Variants in OR3A2 observed in about 807,000 individuals in gnomAD.
OR3A2 encodes olfactory receptor family 3 subfamily A member 2.
For synonymous variants in OR3A2, 126 were observed against 159.3 expected (o/e 0.79, Z 1.57); for missense variants, 318 against 392.8 (o/e 0.81, Z 1.61).
At chr17:3,383,828 C>G (rs1237025396) in exon 2 of OR3A2, 1 of 152,068 alleles carries the variant, frequency 6.6e-6, no homozygotes, top group East Asian at 1.9e-4. Context: ...AGCAGTTTGC[C>G]TTGGAGTTTG....
chr17:3,283,535 A>G (rs1035560426), intron 1 of OR3A2, among the ~76,000 whole-genome samples: 1 of 152,130 alleles, frequency 6.6e-6, no homozygotes, highest in Admixed American at 6.5e-5. Context: ...GGTATCCAAT[A>G]TTTCTTAAAT....
intron 2 of OR3A2, among the ~76,000 whole-genome samples, chr17:3,364,477 A>C (rs2049546328): frequency 6.6e-6 from 1 of 152,180 alleles, no homozygotes; most frequent in Non-Finnish European, 1.5e-5. Context: ...CCTTTTGACC[A>C]ATGCCCCCCA....
At chr17:3,279,470 A>G (rs577860968) in intron 1 of OR3A2, among the ~76,000 whole-genome samples, 2 of 152,240 alleles carry the variant, frequency 1.3e-5, no homozygotes, top group African/African-American at 2.4e-5. Flanking sequence ...GTTTCAAAAT[A>G]GAAATCCAGA....
At chr17:3,296,799 G>C (rs1438446696) in intron 3 of OR3A2, among the ~76,000 whole-genome samples, 1 of 152,170 alleles carries the variant, frequency 6.6e-6, no homozygotes, top group East Asian at 1.9e-4. Context: ...TTCAAAAAGG[G>C]ACTCCATTCC....
intron 3 of OR3A2, among the ~76,000 whole-genome samples, chr17:3,306,466 T>A (rs2049001044): frequency 6.6e-6 from 1 of 152,040 alleles, no homozygotes; most frequent in African/African-American, 2.4e-5. Context: ...TGAGGTTACT[T>A]CCTCATCCAG....
chr17:3,276,337 T>C (rs544644552), downstream of OR3A2, among the ~76,000 whole-genome samples: 1 of 152,290 alleles, frequency 6.6e-6, no homozygotes, highest in Admixed American at 6.5e-5. Flanking sequence ...CAGAACAGTA[T>C]GGTTCTACTG....
At chr17:3,346,364 C>G (rs1265278207) in intron 2 of OR3A2, among the ~76,000 whole-genome samples, 2 of 152,104 alleles carry the variant, frequency 1.3e-5, no homozygotes, top group Non-Finnish European at 2.9e-5. Flanking sequence ...GCATCTGACC[C>G]AAGTTGATCC....
chr17:3,364,713 C>T (rs553516008), intron 2 of OR3A2, among the ~76,000 whole-genome samples: 4 of 152,284 alleles, frequency 2.6e-5, no homozygotes, highest in Admixed American at 2.0e-4. Flanking sequence ...ACCAGAATTA[C>T]CATATGATCC....
chr17:3,325,203 ATTTTT>A (rs61124691), intron 3 of OR3A2, among the ~76,000 whole-genome samples: 25 of 108,590 alleles, frequency 2.3e-4, no homozygotes, highest in Admixed American at 9.7e-4. Context: ...GATCCTTCCA[ATTTTT>A]TTTTTTTTTT....
At chr17:3,287,825 T>A (rs1002082634), upstream of OR3A2, among the ~76,000 whole-genome samples, 25 of 151,636 alleles carry the variant, frequency 1.6e-4, no homozygotes, top group Non-Finnish European at 3.1e-4. Flanking sequence ...TTTTCTATTA[T>A]ATATATATAA....
In OR3A2 at chr17:3,366,380, G is replaced by T. The variant is rs185962747; in HGVS notation, c.-179+17424C>A. Reference sequence around the variant, plus strand: ...TTGATGCAAAAATGTTGGGGAAACAGAAAATCTTTAGTTGCAATTTTAAAA... The same window carrying T: ...TTGATGCAAAAATGTTGGGGAAACATAAAATCTTTAGTTGCAATTTTAAAA... On this transcript the variant is annotated intron_variant, in intron 2 of 4. Coordinates refer to the OR3A2 transcript ENST00000573491. Among the ~76,000 whole-genome samples the T allele has an allele frequency of 4.3e-4, 66 of 152,270 alleles. 2 individuals carry two copies. The highest frequency in any genetic ancestry group is 3.9e-3 in the Admixed American group (60 of 15,292).
chr17:3,375,052 T>C (rs997890480), intron 2 of OR3A2, among the ~76,000 whole-genome samples: 2 of 151,586 alleles, frequency 1.3e-5, no homozygotes, highest in African/African-American at 2.4e-5. Flanking sequence ...TTTCCTTAAG[T>C]TGGTGTTCAT....
intron 2 of OR3A2, among the ~76,000 whole-genome samples, chr17:3,373,895 T>C (rs2049655901): frequency 6.6e-6 from 1 of 152,222 alleles, no homozygotes; most frequent in Non-Finnish European, 1.5e-5. Flanking sequence ...TTATAGGCCC[T>C]GTGAAATTTA....
At chr17:3,299,662 C>T (rs948733254) in intron 3 of OR3A2, among the ~76,000 whole-genome samples, 1 of 152,152 alleles carries the variant, frequency 6.6e-6, no homozygotes, top group Non-Finnish European at 1.5e-5. Context: ...TCCTTTGCTG[C>T]AAAACCTCCA....
intron 2 of OR3A2, among the ~76,000 whole-genome samples, chr17:3,376,318 G>A (rs2049683486): frequency 1.3e-5 from 2 of 152,166 alleles, no homozygotes; most frequent in Non-Finnish European, 2.9e-5. Flanking sequence ...ATAAATAATG[G>A]GGTTTCTCAG....
chr17:3,347,810 G>T (rs2049380838), intron 2 of OR3A2, among the ~76,000 whole-genome samples: 1 of 152,178 alleles, frequency 6.6e-6, no homozygotes, highest in African/African-American at 2.4e-5. Context: ...GATCCCTGAG[G>T]AATCGTCACA....
intron 2 of OR3A2, among the ~76,000 whole-genome samples, chr17:3,346,283 T>C (rs1263820808): frequency 2.0e-5 from 3 of 152,164 alleles, no homozygotes; most frequent in Non-Finnish European, 2.9e-5. Flanking sequence ...GGTGTACATA[T>C]TTATAAGTAC....
intron 2 of OR3A2, among the ~76,000 whole-genome samples, chr17:3,372,643 G>A (rs866226129): frequency 3.4e-3 from 519 of 152,162 alleles, no homozygotes; most frequent in Non-Finnish European, 5.6e-3. Context: ...CCATCACAGC[G>A]AAACCCCGTC....
chr17:3,333,964 C>A (rs1334467449), intron 3 of OR3A2, among the ~76,000 whole-genome samples: 1 of 152,206 alleles, frequency 6.6e-6, no homozygotes, highest in East Asian at 1.9e-4. Context: ...AGACACTTCT[C>A]AAAAGAAGAC....
Sources: allele counts gnomAD v4.1 joint callset (sites outside exome capture counted in the v4.1 genomes callset), GRCh38; gene constraint gnomAD v4.1.1; transcripts MANE v1.5; gene names NCBI Gene and HGNC (gene_info 2026-07-23, HGNC 2026-07-21).